UGGT2: variants seen among roughly 807,000 people sequenced by gnomAD.
UGGT2 encodes UDP-glucose:glycoprotein glucosyltransferase 2.
In UGGT2, 180 loss-of-function variants were observed where a neutral mutation model predicts 192.1. That is an observed-to-expected ratio of 0.94 (90% CI 0.83 to 1.06). The LOEUF is 1.06. Among genes scored for constraint, UGGT2 ranks in the 50% least tolerant of loss-of-function variants. The pLI is 0.00. For missense variants in UGGT2, 1,849 were observed against 1,795.7 expected, an observed-to-expected ratio of 1.03 and a Z score of -0.54; for synonymous variants, 580 against 591.0, an observed-to-expected ratio of 0.98 and a Z score of 0.27.
intron 38 of UGGT2, among the ~76,000 whole-genome samples, chr13:95,803,968 G>T (rs1884184107): frequency 6.6e-6 from 1 of 151,792 alleles, no homozygotes; most frequent in African/African-American, 2.4e-5. Context: ...GTATTTCAGG[G>T]GATATTAGAA....
chr13:95,830,772 T>A (rs1886583202), intron 38 of UGGT2, among the ~76,000 whole-genome samples: 1 of 152,194 alleles, frequency 6.6e-6, no homozygotes, highest in African/African-American at 2.4e-5. Flanking sequence ...GCCATCCCAT[T>A]ACTGGGTATA....
At chr13:95,906,203 G>T (rs375311126) in intron 20 of UGGT2, among the ~76,000 whole-genome samples, 1 of 152,066 alleles carries the variant, frequency 6.6e-6, no homozygotes, top group Non-Finnish European at 1.5e-5. Context: ...TCCAGTGTTC[G>T]ATATTTTTCA....
At chr13:95,814,277 C>G (rs1348838600) in intron 38 of UGGT2, among the ~76,000 whole-genome samples, 1 of 152,220 alleles carries the variant, frequency 6.6e-6, no homozygotes, top group Non-Finnish European at 1.5e-5. Context: ...CAACTCTAGC[C>G]TGTGAGAGTA....
chr13:95,830,301 G>A (rs866768410), intron 38 of UGGT2, among the ~76,000 whole-genome samples: 8 of 152,130 alleles, frequency 5.3e-5, no homozygotes, highest in African/African-American at 1.2e-4. Flanking sequence ...AAACTAAAGC[G>A]CTTCTGCACA....
rs763021650 is a variant in UGGT2, at chr13:96,053,349, T to C, written c.-37A>G. ...AAAAGCGCGAGTCCCTCGGACCCGG[T>C]ACCCACAGTCTGTGGCCGCCACGCT... On this transcript the variant is annotated 5_prime_UTR_variant, in exon 1 of 39. Coordinates refer to ENST00000376747, the MANE Select transcript of UGGT2 (RefSeq NM_020121.4). The C allele has an allele frequency of 2.6e-6, 4 of 1,566,948 alleles. No homozygotes were observed. Among genetic ancestry groups the C allele is most frequent in the African/African-American group, 2.8e-5 (2 of 71,842 alleles).
intron 20 of UGGT2, among the ~76,000 whole-genome samples, chr13:95,918,119 A>G (rs1359567361): frequency 6.6e-6 from 1 of 152,220 alleles, no homozygotes; most frequent in African/African-American, 2.4e-5. Flanking sequence ...TTACTCTAAA[A>G]TCGATCACAT....
chr13:95,825,942 T>G (rs1273728882), intron 38 of UGGT2, among the ~76,000 whole-genome samples: 1 of 152,150 alleles, frequency 6.6e-6, no homozygotes, highest in Non-Finnish European at 1.5e-5. Context: ...TTGCTACTGC[T>G]CTTCTGTGTC....
chr13:96,031,882 C>T lies in UGGT2; in HGVS notation c.241+7G>A, dbSNP rs1566843899. 2 of 1,594,858 alleles carry T rather than the reference C, an allele frequency of 1.3e-6. No individual in the cohort carries two copies. Among genetic ancestry groups the T allele is most frequent in the Non-Finnish European group, 1.7e-6 (2 of 1,169,104 alleles). Reference sequence around the variant, plus strand: ...ATCTTACAAGTTAAAATTTACATATCACCTACCTGTTTGCTTATAAATTGC... The same window carrying T: ...ATCTTACAAGTTAAAATTTACATATTACCTACCTGTTTGCTTATAAATTGC... On this transcript the variant is annotated splice_region_variant and intron_variant, in intron 2 of 38. Coordinates refer to ENST00000376747, the MANE Select transcript of UGGT2 (RefSeq NM_020121.4).
intron 36 of UGGT2, among the ~76,000 whole-genome samples, chr13:95,844,967 G>A (rs556025998): frequency 4.6e-5 from 7 of 152,222 alleles, no homozygotes; most frequent in South Asian, 4.1e-4. Context: ...GTTCCCTTCC[G>A]GTTCTAGTGT....
chr13:95,853,992 G>A (rs1319886033), intron 35 of UGGT2, among the ~76,000 whole-genome samples: 1 of 152,086 alleles, frequency 6.6e-6, no homozygotes, highest in Admixed American at 6.5e-5. Context: ...GGAGTAGTTA[G>A]GAGCCATATT....
chr13:95,915,162 A>C (rs1477340183), intron 20 of UGGT2, among the ~76,000 whole-genome samples: 1 of 152,118 alleles, frequency 6.6e-6, no homozygotes, highest in Non-Finnish European at 1.5e-5. Flanking sequence ...TCTGGTGGGA[A>C]TATATTTTCC....
At chr13:95,841,499 G>T (rs1887861627) in intron 36 of UGGT2, among the ~76,000 whole-genome samples, 1 of 152,198 alleles carries the variant, frequency 6.6e-6, no homozygotes, top group South Asian at 2.1e-4. Context: ...TAGCCAGCCA[G>T]ATCAGCTGAA....
intron 10 of UGGT2, among the ~76,000 whole-genome samples, chr13:95,979,529 T>C (rs1267856023): frequency 8.1e-6 from 1 of 122,718 alleles, no homozygotes; most frequent in African/African-American, 3.0e-5. Flanking sequence ...TATATTCTCA[T>C]TTCCCCTGGT....
At position 95,859,656 on chromosome 13, in the gene UGGT2, A is replaced by G. The variant is rs1188902055; in HGVS notation, c.3760T>C (p.Leu1254=). 1 of 1,609,484 alleles carries G rather than the reference A, an allele frequency of 6.2e-7. No individual in the cohort carries two copies. The change falls in exon 33 of 39, where the codon TTG becomes CTG. Residue 1254 remains leucine, a synonymous_variant. Coordinates refer to ENST00000376747, the MANE Select transcript of UGGT2 (RefSeq NM_020121.4). ...TTCACTGGTGTTTTGGTGTTACGCA[A>G]AACAGAAAGCATCATAATTCTGTAT... ...RFLRIMMLSV[L]RNTKTPVKFW... is the part of the protein sequence containing the mutation.
At chr13:95,983,398 G>A in intron 10 of UGGT2, 1 of 279,946 alleles carries the variant, frequency 3.6e-6, no homozygotes, top group Non-Finnish European at 7.0e-6. Flanking sequence ...GATACCATTT[G>A]GCAGAATCTT....
intron 20 of UGGT2, among the ~76,000 whole-genome samples, chr13:95,910,996 A>C (rs1209706042): frequency 1.3e-5 from 2 of 152,192 alleles, no homozygotes; most frequent in East Asian, 3.8e-4. Flanking sequence ...CTACTGGATA[A>C]ATAACGAATG....
intron 23 of UGGT2, among the ~76,000 whole-genome samples, 162 bp downstream of exon 23, chr13:95,895,018 G>T (rs571611747): frequency 6.6e-6 from 1 of 152,080 alleles, no homozygotes; most frequent in East Asian, 1.9e-4. Flanking sequence ...GTTTTGTGAT[G>T]GTGAGTAAAT....
At chr13:95,936,243 T>C (rs994435225) in intron 17 of UGGT2, among the ~76,000 whole-genome samples, 4 of 152,248 alleles carry the variant, frequency 2.6e-5, no homozygotes, top group Non-Finnish European at 4.4e-5. Flanking sequence ...CAATTATATT[T>C]TGAAATTCCT....
rs143815605 is a variant in UGGT2, at chr13:95,831,489, T to C, written c.4528+1438A>G. On this transcript the variant is annotated intron_variant, in intron 38 of 38. Coordinates refer to ENST00000376747, the MANE Select transcript of UGGT2 (RefSeq NM_020121.4). ...CTTGAAAGGCTACACTGTATTTCAT[T>C]GTTTGTATCAATGTTTATGTAACCA... is the stretch of plus-strand genomic sequence containing the variant. Among the ~76,000 whole-genome samples, 751 of 152,240 alleles carry C rather than the reference T, an allele frequency of 4.9e-3. 5 individuals carry two copies. The highest frequency in any genetic ancestry group is 0.017 in the African/African-American group (705 of 41,556).
Sources: allele counts gnomAD v4.1 joint callset (sites outside exome capture counted in the v4.1 genomes callset), GRCh38; gene constraint gnomAD v4.1.1; transcripts MANE v1.5; gene names NCBI Gene and HGNC (gene_info 2026-07-23, HGNC 2026-07-21).